Variants in SBF2 observed in about 807,000 individuals in gnomAD.
The protein encoded by SBF2 is SET binding factor 2, also known as myotubularin-related protein 13.
In SBF2, 112 loss-of-function variants were observed where a neutral mutation model predicts 225.2. The ratio of observed to expected loss-of-function variants is 0.50; its 90% CI spans 0.43 to 0.58. SBF2 has a LOEUF of 0.58. Among genes scored for constraint, SBF2 ranks in the 20% least tolerant of loss-of-function variants. The pLI is 0.00. For missense variants in SBF2, 1,996 were observed against 2,206.2 expected, an observed-to-expected ratio of 0.90 and a Z score of 1.91; for synonymous variants, 763 against 773.3, an observed-to-expected ratio of 0.99 and a Z score of 0.22.
chr11:9,794,159 G>T (rs1004611831), intron 33 of SBF2, among the ~76,000 whole-genome samples: 3 of 151,990 alleles, frequency 2.0e-5, no homozygotes, highest in Admixed American at 6.6e-5. Flanking sequence ...TCCAGCCGGG[G>T]AGACAGAGGA....
chr11:10,186,666 C>T (rs1163236933), intron 2 of SBF2, among the ~76,000 whole-genome samples: 2 of 152,172 alleles, frequency 1.3e-5, no homozygotes, highest in Non-Finnish European at 2.9e-5. Flanking sequence ...TGACTAAACT[C>T]AATCTCCAGC....
chr11:10,013,622 C>T (rs1413771183), intron 6 of SBF2, among the ~76,000 whole-genome samples: 1 of 152,074 alleles, frequency 6.6e-6, no homozygotes, highest in Non-Finnish European at 1.5e-5. Flanking sequence ...AAATTTTGTC[C>T]AATGCTGTCC....
chr11:10,173,833 C>T (rs1565316609), intron 2 of SBF2, among the ~76,000 whole-genome samples: 1 of 150,978 alleles, frequency 6.6e-6, no homozygotes, highest in Admixed American at 6.6e-5. Flanking sequence ...CAGACTGCCT[C>T]CTCAAGTGGG....
intron 1 of SBF2, among the ~76,000 whole-genome samples, chr11:10,222,226 C>T (rs555861518): frequency 1.1e-4 from 17 of 152,172 alleles, no homozygotes; most frequent in African/African-American, 3.6e-4. Context: ...TCACAATATC[C>T]AAAACACAAT....
At chr11:9,818,086 C>T (rs548282506) in intron 28 of SBF2, among the ~76,000 whole-genome samples, 103 of 152,232 alleles carry the variant, frequency 6.8e-4, no homozygotes, top group Non-Finnish European at 1.3e-3. Flanking sequence ...GCTGGGATTA[C>T]AGGCATGCAC....
intron 6 of SBF2, 102 bp from the exon 7 acceptor site, chr11:10,002,791 A>G (rs1367660941): frequency 9.0e-7 from 1 of 1,113,658 alleles, no homozygotes; most frequent in African/African-American, 1.6e-5. Flanking sequence ...GTAATTTTGG[A>G]CTCTCTGAAG....
chr11:10,100,552 C>T (rs899181824), intron 2 of SBF2, among the ~76,000 whole-genome samples: 3 of 152,224 alleles, frequency 2.0e-5, no homozygotes, highest in African/African-American at 7.2e-5. Flanking sequence ...AGCCCTACCA[C>T]AGGGTGTCTG....
At chr11:10,049,758 C>T (rs1408054680) in intron 2 of SBF2, among the ~76,000 whole-genome samples, 1 of 152,186 alleles carries the variant, frequency 6.6e-6, no homozygotes, top group African/African-American at 2.4e-5. Flanking sequence ...TGGGTGTTAA[C>T]ATGTAACTAT....
At chr11:10,285,682 C>A (rs79420000) in intron 1 of SBF2, among the ~76,000 whole-genome samples, 1,944 of 152,338 alleles carry the variant, frequency 0.013, 41 homozygotes, top group African/African-American at 0.036. Flanking sequence ...CCAGAAAATT[C>A]TGTAACCAGC....
At chr11:9,953,697 C>G (rs1865991153) in intron 16 of SBF2, among the ~76,000 whole-genome samples, 1 of 152,118 alleles carries the variant, frequency 6.6e-6, no homozygotes, top group Non-Finnish European at 1.5e-5. Context: ...CTGTTAACTG[C>G]TCAGGGCTTG....
At chr11:10,068,196 T>A (rs986044021) in intron 2 of SBF2, among the ~76,000 whole-genome samples, 4 of 152,232 alleles carry the variant, frequency 2.6e-5, no homozygotes, top group Non-Finnish European at 5.9e-5. Context: ...TAAATTTTAC[T>A]TTACATGTAT....
chr11:10,284,623 A>G (rs1336695813), intron 1 of SBF2, among the ~76,000 whole-genome samples: 4 of 152,050 alleles, frequency 2.6e-5, no homozygotes, highest in South Asian at 4.1e-4. Flanking sequence ...ATCTTGTTCC[A>G]TTACCCAGGC....
rs140939450 is a variant in SBF2, at chr11:10,128,283, T to C, written c.141+65619A>G. ...ATTGTATCAGTTTTACCTACTACCA[T>C]ATAGAGAGCACCTAAACACAGAAGT... On this transcript the variant is annotated intron_variant, in intron 2 of 39. Coordinates refer to ENST00000256190, the MANE Select transcript of SBF2 (RefSeq NM_030962.4). 5.9e-4 allele frequency among the ~76,000 whole-genome samples: 90 copies of C among 152,330 alleles called. 1 individual carries two copies. The East Asian group carries it at 0.015, about 25-fold the overall frequency.
At chr11:10,069,385 C>A (rs1006837868) in intron 2 of SBF2, among the ~76,000 whole-genome samples, 42 of 149,472 alleles carry the variant, frequency 2.8e-4, no homozygotes, top group African/African-American at 9.6e-4. Flanking sequence ...GTTCAATTCC[C>A]ACCTATGAGT....
At chr11:10,172,222 T>G (rs909247837) in intron 2 of SBF2, among the ~76,000 whole-genome samples, 2 of 152,158 alleles carry the variant, frequency 1.3e-5, no homozygotes, top group Non-Finnish European at 2.9e-5. Flanking sequence ...GATGCATCAT[T>G]AGGTTGTTTA....
At chr11:10,176,575 A>C (rs1278481895) in intron 2 of SBF2, among the ~76,000 whole-genome samples, 2 of 152,188 alleles carry the variant, frequency 1.3e-5, no homozygotes, top group Non-Finnish European at 2.9e-5. Context: ...CTATGCAAAT[A>C]AACTAGAAAA....
chr11:9,788,928 C>CT (rs905474832), intron 35 of SBF2, among the ~76,000 whole-genome samples, 181 bp downstream of exon 35: 3 of 152,130 alleles, frequency 2.0e-5, no homozygotes, highest in Non-Finnish European at 4.4e-5. Context: ...TATTGAGACT[C>CT]TTTTCCAGTA....
chr11:9,805,993 A>C (rs1235479890), intron 32 of SBF2, among the ~76,000 whole-genome samples: 1 of 152,238 alleles, frequency 6.6e-6, no homozygotes, highest in East Asian at 1.9e-4. Flanking sequence ...AAATTCTCAT[A>C]TATTCATTGA....
At chr11:10,091,728 TTGC>T (rs1191782193) in intron 2 of SBF2, among the ~76,000 whole-genome samples, 2 of 152,352 alleles carry the variant, frequency 1.3e-5, no homozygotes, top group East Asian at 3.9e-4. Flanking sequence ...CAACCATTAC[TTGC>T]TGCCTTTATT....
Sources: allele counts gnomAD v4.1 joint callset (sites outside exome capture counted in the v4.1 genomes callset), GRCh38; gene constraint gnomAD v4.1.1; transcripts MANE v1.5; gene names NCBI Gene and HGNC (gene_info 2026-07-23, HGNC 2026-07-21).